DDHD1: variants seen among roughly 807,000 people sequenced by gnomAD.
DDHD1 encodes the protein phospholipase DDHD1.
A neutral mutation model predicts 96.4 loss-of-function variants in DDHD1; 49 were observed. That is an observed-to-expected ratio of 0.51 (90% CI 0.40 to 0.64). The LOEUF (loss-of-function observed/expected upper bound fraction) is 0.64, where lower values mean the gene tolerates loss of function less well. DDHD1 is among the 30% of genes least tolerant of loss of function. DDHD1 has a pLI of 0.00. For synonymous variants in DDHD1, 442 were observed against 446.5 expected (o/e 0.99, Z 0.13); for missense variants, 1,106 against 1,161.2 (o/e 0.95, Z 0.69).
At chr14:53,067,534 T>C (rs770525016) in intron 6 of DDHD1, among the ~76,000 whole-genome samples, 33 of 151,928 alleles carry the variant, frequency 2.2e-4, no homozygotes, top group Non-Finnish European at 3.2e-4. Flanking sequence ...CTCAACTCAC[T>C]GCAAGCTCTG....
intron 6 of DDHD1, among the ~76,000 whole-genome samples, chr14:53,066,733 G>A (rs577605700): frequency 2.8e-4 from 42 of 152,096 alleles, no homozygotes; most frequent in African/African-American, 7.7e-4. Flanking sequence ...TTGGAAGGCC[G>A]AGGTGGGAGG....
At position 53,106,083 on chromosome 14, in the gene DDHD1, A is replaced by C. The variant is rs114314503; in HGVS notation, c.839-2227T>G. 5.7e-3 allele frequency among the ~76,000 whole-genome samples: 863 copies of C among 152,174 alleles called. 6 individuals are homozygous for C. Among genetic ancestry groups the C allele is most frequent in the African/African-American group, 0.02 (832 of 41,520 alleles). On this transcript the variant is annotated intron_variant, in intron 1 of 12. Transcript: ENST00000673822. ...ATTTAAAAGGTATTGTATGACTCTC[A>C]CTTATTACCTATATTGTGGAGAATA...
At chr14:53,049,479 A>G (rs1358391145) in intron 12 of DDHD1, among the ~76,000 whole-genome samples, 1 of 152,026 alleles carries the variant, frequency 6.6e-6, no homozygotes, top group Non-Finnish European at 1.5e-5. Flanking sequence ...TTCCCAAGGG[A>G]GTGAGGGTCT....
In DDHD1 at chr14:53,046,894, G is replaced by C. The variant is rs1219034460; in HGVS notation, c.2577C>G (p.Arg859=). 1.9e-6 allele frequency: 3 copies of C among 1,613,522 alleles called. No homozygotes were observed. Among genetic ancestry groups the C allele is most frequent in the Non-Finnish European group, 8.5e-7 (1 of 1,179,706 alleles). ...TATGCGACGTGACAGCTGACCAATA[G>C]CGGCTCTCCACAAGGCCTTCTCTGA... is the stretch of plus-strand genomic sequence containing the variant. ...FELREGLVES[R]YWSAVTSHTA... is the part of the protein sequence containing the mutation. The change falls in exon 13 of 13, where the codon CGC becomes CGG. Residue 859 remains arginine (R), a synonymous_variant. Transcript: ENST00000673822.
chr14:53,078,228 A>G (rs561414335), intron 4 of DDHD1, among the ~76,000 whole-genome samples: 2 of 152,272 alleles, frequency 1.3e-5, no homozygotes, highest in South Asian at 4.1e-4. Context: ...CTATTTTCTG[A>G]TCTCACAAGA....
intron 12 of DDHD1, among the ~76,000 whole-genome samples, chr14:53,049,455 G>A (rs1205914718): frequency 1.3e-5 from 2 of 151,966 alleles, no homozygotes; most frequent in Non-Finnish European, 2.9e-5. Context: ...CTCTCTTTTA[G>A]GTAGATGACA....
At chr14:53,110,372 A>G (rs998353102) in intron 1 of DDHD1, among the ~76,000 whole-genome samples, 1 of 152,254 alleles carries the variant, frequency 6.6e-6, no homozygotes, top group Non-Finnish European at 1.5e-5. Context: ...ATGCACATAC[A>G]TTCAGATTCC....
At chr14:53,114,353 G>A (rs1888384996) in intron 1 of DDHD1, among the ~76,000 whole-genome samples, 1 of 152,216 alleles carries the variant, frequency 6.6e-6, no homozygotes, top group Non-Finnish European at 1.5e-5. Flanking sequence ...ATACTGACAA[G>A]GGTGATTCTC....
rs770043699 is a variant in DDHD1 at position 53,063,112 on chromosome 14, T to C, written c.1597A>G (p.Ile533Val). ...DFEEKGGKVSIVSHSLGCVIT... is the reference protein window; with the variant it reads ...DFEEKGGKVSVVSHSLGCVIT... Reference sequence around the variant, plus strand: ...ACACATCCCAAGGAATGTGATACTATTGAGACTTTACCCCCTTTTTCTTCA... The same window carrying C: ...ACACATCCCAAGGAATGTGATACTACTGAGACTTTACCCCCTTTTTCTTCA... Residue 533 changes from isoleucine (I) to valine (V), a missense_variant, in exon 7 of 13, where the codon ATA becomes GTA. Ile to Val is a conservative substitution (Grantham distance 29, BLOSUM62 3). Transcript: ENST00000673822. The C allele has an allele frequency of 3.7e-6, 6 of 1,614,000 alleles. No homozygotes were observed. Among genetic ancestry groups the C allele is most frequent in the African/African-American group, 2.7e-5 (2 of 74,932 alleles).
intron 4 of DDHD1, among the ~76,000 whole-genome samples, chr14:53,076,437 G>A (rs1251607974): frequency 6.6e-6 from 1 of 152,196 alleles, no homozygotes; most frequent in Non-Finnish European, 1.5e-5. Context: ...CAGTGGATGA[G>A]GAGTTGCTTC....
chr14:53,047,786 G>A (rs12323832), intron 12 of DDHD1, among the ~76,000 whole-genome samples: 5,103 of 152,194 alleles, frequency 0.034, 295 homozygotes, highest in African/African-American at 0.11. Context: ...AATAATTCCA[G>A]TGAGCTCATT....
chr14:53,133,488 C>T (rs1276121864), intron 1 of DDHD1, among the ~76,000 whole-genome samples: 3 of 152,168 alleles, frequency 2.0e-5, no homozygotes, highest in Non-Finnish European at 2.9e-5. Context: ...ATGGAAACTT[C>T]GTGCTCCTTA....
At chr14:53,074,392 A>G (rs371310631) in intron 4 of DDHD1, among the ~76,000 whole-genome samples, 4 of 151,804 alleles carry the variant, frequency 2.6e-5, no homozygotes, top group East Asian at 3.9e-4. Flanking sequence ...AGAACATGCT[A>G]TTCTTTTAGT....
At position 53,063,156 on chromosome 14, in the gene DDHD1, C is replaced by A. The variant is rs1291109043; in HGVS notation, c.1553G>T (p.Cys518Phe). The change falls in exon 7 of 13, where the codon TGT becomes TTT. Residue 518 changes from cysteine (C) to phenylalanine (F), a missense_variant. By Grantham distance (205) the Cys-to-Phe change is radical (BLOSUM62 -2). Transcript: ENST00000673822. ...QELNRLYSLF[C>F]SRNPDFEEKG... The stretch of plus-strand genomic sequence containing the variant: ...TTCTTCAAAGTCTGGATTCCGAGAA[C>A]AGAAAAGGGAATACAATCGATTCAG... 24 of 1,613,798 alleles carry A rather than the reference C, an allele frequency of 1.5e-5. No homozygotes were observed. Among genetic ancestry groups the A allele is most frequent in the Non-Finnish European group, 2.0e-5 (24 of 1,179,968 alleles).
intron 6 of DDHD1, among the ~76,000 whole-genome samples, chr14:53,068,261 T>TTTTTTTTTA (rs1884213963): frequency 6.7e-6 from 1 of 148,806 alleles, no homozygotes; most frequent in African/African-American, 2.5e-5. Context: ...TTTTTTTTTT[T>TTTTTTTTTA]GAGATGGGGT....
At chr14:53,136,709 C>T (rs1890265484) in intron 1 of DDHD1, among the ~76,000 whole-genome samples, 1 of 152,152 alleles carries the variant, frequency 6.6e-6, no homozygotes. Flanking sequence ...GCAATGTCCT[C>T]AGAAAGGTAA....
intron 1 of DDHD1, among the ~76,000 whole-genome samples, chr14:53,143,468 G>A (rs1472187382): frequency 6.6e-6 from 1 of 152,212 alleles, no homozygotes; most frequent in East Asian, 1.9e-4. Context: ...TCTGCCATGA[G>A]AGTGCACCAA....
intron 2 of DDHD1, among the ~76,000 whole-genome samples, chr14:53,094,828 A>G (rs1886737772): frequency 7.2e-6 from 1 of 139,136 alleles, no homozygotes; most frequent in South Asian, 2.4e-4. Flanking sequence ...TGGGCAACAC[A>G]GAGAGATCCT....
At chr14:53,082,669 G>T (rs915718058) in intron 4 of DDHD1, among the ~76,000 whole-genome samples, 2 of 150,056 alleles carry the variant, frequency 1.3e-5, no homozygotes, top group South Asian at 2.1e-4. Context: ...TGAGATAGGA[G>T]AATTTCTTCA....
Sources: allele counts gnomAD v4.1 joint callset (sites outside exome capture counted in the v4.1 genomes callset), GRCh38; gene constraint gnomAD v4.1.1; transcripts MANE v1.5; gene names NCBI Gene and HGNC (gene_info 2026-07-23, HGNC 2026-07-21).